TRIP12: variants seen among roughly 807,000 people sequenced by gnomAD.
TRIP12 encodes thyroid hormone receptor interactor 12, also known as E3 ubiquitin-protein ligase TRIP12.
In TRIP12, 25 loss-of-function variants were observed where a neutral mutation model predicts 244.2. That is an observed-to-expected ratio of 0.10 (90% confidence interval 0.07 to 0.14). The LOEUF (loss-of-function observed/expected upper bound fraction) is 0.14, where lower values mean the gene tolerates loss of function less well. Ranked by LOEUF, TRIP12 falls within the 10% of genes least tolerant of loss-of-function variation. TRIP12 has a pLI of 1.00. For missense variants in TRIP12, 1,677 were observed against 2,486.4 expected (o/e 0.67, Z 6.92); for synonymous variants, 905 against 873.1 (o/e 1.04, Z -0.64).
At chr2:229,881,243 T>C (rs1576576756) in intron 1 of TRIP12, among the ~76,000 whole-genome samples, 2 of 152,220 alleles carry the variant, frequency 1.3e-5, no homozygotes, top group South Asian at 4.1e-4. Context: ...AAGAAATGAT[T>C]GTGCAGATAA....
chr2:229,900,943 T>C, intron 1 of TRIP12: 1 of 151,966 alleles, frequency 6.6e-6, no homozygotes, highest in East Asian at 1.9e-4. Flanking sequence ...GCTATTTTTT[T>C]TTTTTTTTGA....
At chr2:229,871,396 T>C (rs1219434245) in intron 2 of TRIP12, among the ~76,000 whole-genome samples, 1 of 152,178 alleles carries the variant, frequency 6.6e-6, no homozygotes, top group African/African-American at 2.4e-5. Flanking sequence ...GTGGGAGGTG[T>C]TTGAATCACT....
At chr2:229,849,847 A>G (rs1456236202) in intron 4 of TRIP12, among the ~76,000 whole-genome samples, 4 of 152,188 alleles carry the variant, frequency 2.6e-5, no homozygotes, top group East Asian at 1.9e-4. Context: ...GAAGAAGAAG[A>G]AAAAAAAGGT....
At position 229,811,207 on chromosome 2, in the gene TRIP12, ATTTT is replaced by A. The variant is rs748041717; in HGVS notation, c.1987-7_1987-4del. The A allele has an allele frequency of 5.6e-6, 9 of 1,611,806 alleles. No individual in the cohort carries two copies. The African/African-American group carries it at 8.0e-5, about 14-fold the overall frequency. On this transcript the variant is annotated splice_polypyrimidine_tract_variant and splice_region_variant and intron_variant, in intron 13 of 41. Coordinates refer to ENST00000675903, the MANE Select transcript of TRIP12 (RefSeq NM_001348323.3). ...GTGCTTTCTACTGACTTTTTATCCT[ATTTT>A]TTTAATAAAGGAAAATAAAATTTAT...
Position 229,903,021 on chromosome 2 carries a change from T to TTC in TRIP12, c.-50+18858_-50+18859insGA, listed in dbSNP as rs1362471548. The stretch of plus-strand genomic sequence containing the variant: ...TTTTTTTTCTTTTTCTTTTTTTCTT[T>TTC]TTTTTTTTTTTTTTTGCCAGAAGTA... On this transcript the variant is annotated intron_variant, in intron 1 of 41. Coordinates refer to ENST00000675903, the MANE Select transcript of TRIP12 (RefSeq NM_001348323.3). 8.3e-5 allele frequency among the ~76,000 whole-genome samples: 12 copies of TTC among 144,656 alleles called. No individual in the cohort carries two copies. The South Asian group carries it at 8.9e-4, about 11-fold the overall frequency. The allele number at this position is 144,656 out of a possible 152,430, so 94.9% of individuals were successfully genotyped here.
In TRIP12 at chr2:229,808,366, A is replaced by G. The variant is rs2046396678; in HGVS notation, c.2225T>C (p.Ile742Thr). Residue 742 changes from isoleucine to threonine, a missense_variant, in exon 16 of 42, where the codon ATT becomes ACT. Physicochemically the swap from Ile to Thr is moderately conservative, Grantham distance 89. Coordinates refer to ENST00000675903, the MANE Select transcript of TRIP12 (RefSeq NM_001348323.3). ...TLAVQLMKQN[I>T]AETLHFLLCG... ...CAGGAGAAAGTGAAGCGTTTCTGCA[A>G]TGTCTGTAAAAACCAACAACAAAAA... The G allele has an allele frequency of 1.2e-6, 2 of 1,609,878 alleles. No homozygotes were observed. The highest frequency in any genetic ancestry group is 8.5e-7 in the Non-Finnish European group (1 of 1,178,340).
At chr2:229,785,706 A>C (rs2039808512) in intron 34 of TRIP12, 51 bp downstream of exon 34, 1 of 1,519,746 alleles carries the variant, frequency 6.6e-7, no homozygotes, top group Non-Finnish European at 9.0e-7. Flanking sequence ...AATAACATTT[A>C]ATTAAGAGCA....
In TRIP12 at chr2:229,765,847, T is replaced by C. The variant is rs1305265773; in HGVS notation, c.*1707A>G. The C allele has an allele frequency of 1.3e-5, 2 of 152,212 alleles. No individual in the cohort carries two copies. Among genetic ancestry groups the C allele is most frequent in the Admixed American group, 6.5e-5 (1 of 15,272 alleles). 9.4% of individuals were successfully genotyped at this position (152,212 alleles called of 1,614,324 possible). On this transcript the variant is annotated 3_prime_UTR_variant, in exon 42 of 42. Coordinates refer to ENST00000675903, the MANE Select transcript of TRIP12 (RefSeq NM_001348323.3). ...ATTTCAGGGAAAAGCCATTCACTTGTCAGTCTCTGCAGAGACAGGGAGAGA... is the reference window on the plus strand; with the variant it reads ...ATTTCAGGGAAAAGCCATTCACTTGCCAGTCTCTGCAGAGACAGGGAGAGA...
At chr2:229,827,581 C>T (rs2052067571) in intron 8 of TRIP12, among the ~76,000 whole-genome samples, 1 of 152,082 alleles carries the variant, frequency 6.6e-6, no homozygotes, top group Non-Finnish European at 1.5e-5. Context: ...TACGTTCTAC[C>T]TCCACATCTT....
At chr2:229,904,126 A>T (rs1264905091) in intron 1 of TRIP12, among the ~76,000 whole-genome samples, 1 of 152,220 alleles carries the variant, frequency 6.6e-6, no homozygotes, top group African/African-American at 2.4e-5. Context: ...AAGGATTATT[A>T]ACAATAGTTT....
chr2:229,829,208 T>C lies in TRIP12; in HGVS notation c.1435A>G (p.Ile479Val), dbSNP rs752996383. The change falls in exon 8 of 42, where the codon ATT becomes GTT. Residue 479 changes from isoleucine (I) to valine (V), a missense_variant. Ile to Val is a conservative substitution (Grantham distance 29, BLOSUM62 3). This residue lies in a region of TRIP12 where 143 missense variants were observed against 215.6 expected (regional missense o/e 0.66). Transcript: ENST00000675903. ...PRMSQLFHRT[I>V]GSGASSKAQQ... The stretch of plus-strand genomic sequence containing the variant: ...TTTTACTTACTAGCTCCACTTCCAA[T>C]TGTTCTATGGAAAAGCTGTGACATC... 16 of 1,613,808 alleles carry C rather than the reference T, an allele frequency of 9.9e-6. No individual in the cohort carries two copies. The highest frequency in any genetic ancestry group is 9.3e-6 in the Non-Finnish European group (11 of 1,179,914).
At chr2:229,783,187 T>A (rs12694819) in intron 34 of TRIP12, among the ~76,000 whole-genome samples, 38,456 of 152,138 alleles carry the variant, frequency 0.25, 5,612 homozygotes, top group East Asian at 0.4. Context: ...TAAAAATAAT[T>A]TGAATAGTAT....
At chr2:229,873,851 G>C (rs1435072950) in intron 2 of TRIP12, among the ~76,000 whole-genome samples, 3 of 152,048 alleles carry the variant, frequency 2.0e-5, no homozygotes, top group Non-Finnish European at 4.4e-5. Flanking sequence ...TGATGGGGGT[G>C]AGAAGTAGGC....
At chr2:229,910,737 G>T (rs532246517) in intron 1 of TRIP12, among the ~76,000 whole-genome samples, 60 of 152,234 alleles carry the variant, frequency 3.9e-4, no homozygotes, top group African/African-American at 1.3e-3. Flanking sequence ...GCAGCAACTG[G>T]AAAGGCAACA....
rs528689787 is a variant in TRIP12 at position 229,814,616 on chromosome 2, C to T, written c.1732-291G>A. 49 of 264,674 alleles carry T rather than the reference C, an allele frequency of 1.9e-4. No individual in the cohort carries two copies. In the East Asian group the frequency reaches 3.5e-3, roughly 19 times the overall value. The allele number at this position is 264,674 out of a possible 1,614,324, so 16.4% of individuals were successfully genotyped here. ...AAAATAGATGAGTTGTTTTACACAACAAAATTTTAAAATCAGATTTTAACT... is the reference window on the plus strand; with the variant it reads ...AAAATAGATGAGTTGTTTTACACAATAAAATTTTAAAATCAGATTTTAACT... On this transcript the variant is annotated intron_variant, in intron 11 of 41. Coordinates refer to ENST00000675903, the MANE Select transcript of TRIP12 (RefSeq NM_001348323.3).
At chr2:229,906,016 T>A (rs1327021874) in intron 1 of TRIP12, among the ~76,000 whole-genome samples, 2 of 152,068 alleles carry the variant, frequency 1.3e-5, no homozygotes, top group Non-Finnish European at 2.9e-5. Context: ...TAAAGAAACA[T>A]GTTCATGGCC....
At chr2:229,873,931 G>A (rs1320242863) in intron 2 of TRIP12, among the ~76,000 whole-genome samples, 2 of 151,866 alleles carry the variant, frequency 1.3e-5, no homozygotes, top group African/African-American at 4.8e-5. Flanking sequence ...GTAAAAACGG[G>A]TCCATAACAA....
intron 4 of TRIP12, among the ~76,000 whole-genome samples, chr2:229,848,096 G>T (rs2057945327): frequency 6.6e-6 from 1 of 152,024 alleles, no homozygotes. Context: ...AAGAAAAAAA[G>T]ATCTAAAAAT....
intron 8 of TRIP12, among the ~76,000 whole-genome samples, chr2:229,820,631 A>G (rs1288584263): frequency 6.6e-6 from 1 of 152,100 alleles, no homozygotes; most frequent in African/African-American, 2.4e-5. Flanking sequence ...AAAAGACCTT[A>G]TTTTCCAAAA....
Sources: gnomAD v4.1 joint callset for allele counts (sites outside exome capture counted in the v4.1 genomes callset) on GRCh38, gnomAD v4.1.1 for gene constraint, gnomAD v4.1.1 regional missense constraint, MANE v1.5 for transcripts, NCBI Gene and HGNC (gene_info 2026-07-23, HGNC 2026-07-21) for gene names.